GRM1: variants seen among roughly 807,000 people sequenced by gnomAD.
GRM1 encodes the protein glutamate metabotropic receptor 1.
A neutral mutation model predicts 90.9 loss-of-function variants in GRM1; 33 were observed. That is an observed-to-expected ratio of 0.36 (90% CI 0.28 to 0.49). The LOEUF is 0.49. GRM1 is among the 20% of genes least tolerant of loss of function. The probability of loss-of-function intolerance (pLI) is 0.99; values close to 1 mark genes in which losing one functional copy is unlikely to be tolerated. For missense variants in GRM1, 1,190 were observed against 1,534.3 expected, an observed-to-expected ratio of 0.78 and a Z score of 3.75; for synonymous variants, 700 against 613.2, an observed-to-expected ratio of 1.14 and a Z score of -2.09.
chr6:146,079,891 A>G (rs1369271464), intron 1 of GRM1, among the ~76,000 whole-genome samples: 2 of 152,050 alleles, frequency 1.3e-5, no homozygotes, highest in East Asian at 3.9e-4. Context: ...TGGATGGGTT[A>G]AGAGGTTGTT....
chr6:146,389,434 G>C (rs1474893245), intron 6 of GRM1, among the ~76,000 whole-genome samples: 1 of 151,844 alleles, frequency 6.6e-6, no homozygotes, highest in African/African-American at 2.4e-5. Flanking sequence ...TAAAAAACAT[G>C]ATATGATGTA....
At chr6:146,321,618 CT>C (rs2114971021) in intron 3 of GRM1, among the ~76,000 whole-genome samples, 1 of 151,818 alleles carries the variant, frequency 6.6e-6, no homozygotes, top group African/African-American at 2.4e-5. Flanking sequence ...CTTTGCAGGT[CT>C]CTAAAAACTT....
intron 2 of GRM1, among the ~76,000 whole-genome samples, chr6:146,280,746 G>T (rs1782535867): frequency 6.6e-6 from 1 of 152,006 alleles, no homozygotes; most frequent in Non-Finnish European, 1.5e-5. Context: ...AGCCTCCCTA[G>T]TAGCTGGGAC....
chr6:146,196,589 G>A (rs1446879734), intron 2 of GRM1, among the ~76,000 whole-genome samples: 2 of 150,936 alleles, frequency 1.3e-5, no homozygotes, highest in African/African-American at 2.4e-5. Context: ...ACAGGCATGA[G>A]CCACCATGCC....
intron 1 of GRM1, among the ~76,000 whole-genome samples, chr6:146,130,158 A>G (rs1047048035): frequency 1.3e-5 from 2 of 152,058 alleles, no homozygotes; most frequent in Non-Finnish European, 2.9e-5. Flanking sequence ...GAAGATCCTG[A>G]TACTTCACTA....
intron 1 of GRM1, among the ~76,000 whole-genome samples, chr6:146,047,223 A>G (rs1791364865): frequency 6.6e-6 from 1 of 151,908 alleles, no homozygotes. Context: ...CTCTTTTGCA[A>G]ATTTCTACCA....
At chr6:146,428,465 G>C (rs985837990) in intron 7 of GRM1, among the ~76,000 whole-genome samples, 1 of 152,122 alleles carries the variant, frequency 6.6e-6, no homozygotes, top group African/African-American at 2.4e-5. Flanking sequence ...GCATTTCTTT[G>C]TTGGGAAATT....
chr6:146,362,184 C>A (rs1325476646), intron 5 of GRM1, among the ~76,000 whole-genome samples: 2 of 152,224 alleles, frequency 1.3e-5, no homozygotes, highest in African/African-American at 2.4e-5. Flanking sequence ...ATAGAGGTAA[C>A]CTTACCTCTT....
chr6:146,119,435 C>G (rs1562475365), intron 1 of GRM1, among the ~76,000 whole-genome samples: 2 of 152,146 alleles, frequency 1.3e-5, no homozygotes, highest in Non-Finnish European at 2.9e-5. Flanking sequence ...CACAGAAGCT[C>G]TTATTTTAAT....
intron 2 of GRM1, among the ~76,000 whole-genome samples, chr6:146,215,758 C>CTT (rs35104475): frequency 3.6e-5 from 5 of 140,432 alleles, no homozygotes; most frequent in South Asian, 2.3e-4. Context: ...TATCCACAAA[C>CTT]TTTTTTTTTT....
intron 1 of GRM1, among the ~76,000 whole-genome samples, chr6:146,080,730 G>A (rs1776338057): frequency 6.6e-6 from 1 of 152,170 alleles, no homozygotes; most frequent in Non-Finnish European, 1.5e-5. Flanking sequence ...AATGCACGTA[G>A]CAAGACTAAT....
In GRM1 at chr6:146,345,800, A is replaced by G. The variant is rs1049479545; in HGVS notation, c.1187-6450A>G. Among the ~76,000 whole-genome samples the G allele has an allele frequency of 4.6e-5, 7 of 152,192 alleles. No homozygotes were observed. The East Asian group carries it at 7.7e-4, about 17-fold the overall frequency. On this transcript the variant is annotated intron_variant, in intron 3 of 7. Coordinates refer to ENST00000282753, the MANE Select transcript of GRM1 (RefSeq NM_001278064.2). ...GACCCAGCAGGTTGTTGAGTAAGGA[A>G]TTGGTTCTGATGGATTCTTACAACA...
chr6:146,361,710 G>A (rs1775482262), intron 5 of GRM1, among the ~76,000 whole-genome samples: 1 of 152,210 alleles, frequency 6.6e-6, no homozygotes, highest in Non-Finnish European at 1.5e-5. Flanking sequence ...CAGAGGGATT[G>A]AGTCACTTGC....
chr6:146,281,792 G>T (rs1165959027), intron 2 of GRM1, among the ~76,000 whole-genome samples: 3 of 152,096 alleles, frequency 2.0e-5, no homozygotes, highest in Non-Finnish European at 4.4e-5. Context: ...ATTAATCTGT[G>T]CTCTAAGTGG....
chr6:146,340,855 T>A (rs1473498296), intron 3 of GRM1, among the ~76,000 whole-genome samples: 2 of 152,192 alleles, frequency 1.3e-5, no homozygotes, highest in Non-Finnish European at 2.9e-5. Context: ...CAAAGCCACA[T>A]TTCTAACCTC....
intron 3 of GRM1, among the ~76,000 whole-genome samples, chr6:146,310,614 G>A (rs970804691): frequency 6.6e-6 from 1 of 152,160 alleles, no homozygotes; most frequent in Non-Finnish European, 1.5e-5. Flanking sequence ...TTCCCTACCT[G>A]TTGAATCTGA....
chr6:146,397,952 G>A (rs1312010428), intron 6 of GRM1, among the ~76,000 whole-genome samples: 5 of 152,168 alleles, frequency 3.3e-5, no homozygotes, highest in African/African-American at 9.7e-5. Flanking sequence ...CAAATATTTT[G>A]TGATTACAAA....
At chr6:146,150,600 C>A (rs768741245) in intron 1 of GRM1, among the ~76,000 whole-genome samples, 2 of 152,000 alleles carry the variant, frequency 1.3e-5, no homozygotes, top group Non-Finnish European at 2.9e-5. Context: ...TTAAAATATA[C>A]AATAATTTTT....
intron 2 of GRM1, among the ~76,000 whole-genome samples, chr6:146,267,740 C>A (rs1583247230): frequency 6.7e-6 from 1 of 149,540 alleles, no homozygotes; most frequent in African/African-American, 2.5e-5. Context: ...CGTCTCGTCT[C>A]GTCTCGTCTC....
Sources: gnomAD v4.1 joint callset for allele counts (sites outside exome capture counted in the v4.1 genomes callset) on GRCh38, gnomAD v4.1.1 for gene constraint, MANE v1.5 for transcripts, NCBI Gene and HGNC (gene_info 2026-07-23, HGNC 2026-07-21) for gene names.